RPL38: variants seen among roughly 807,000 people sequenced by gnomAD.
RPL38 encodes ribosomal protein L38.
Under a neutral mutation model 12.8 loss-of-function variants are expected in RPL38, and 2 were observed. The observed-to-expected ratio is 0.16, with a 90% CI of 0.06 to 0.49. RPL38 has a LOEUF of 0.49. Among genes scored for constraint, RPL38 ranks in the 20% least tolerant of loss-of-function variants. The pLI, the probability that RPL38 is intolerant of heterozygous loss-of-function variation, is 0.96. For synonymous variants in RPL38, 42 were observed against 30.1 expected, an observed-to-expected ratio of 1.39 and a Z score of -1.29; for missense variants, 52 against 79.8, an observed-to-expected ratio of 0.65 and a Z score of 1.33.
rs1442554172 is a variant in RPL38, at chr17:74,209,382, T to G, written c.187+73T>G. On this transcript the variant is annotated intron_variant, in intron 4 of 4. Coordinates refer to ENST00000311111, the MANE Select transcript of RPL38 (RefSeq NM_000999.4). ...TGCTGTGTGTGGCCATGTTGTATCT[T>G]GTTTTGAATCCCTCTCAGATTTCAG... The G allele has an allele frequency of 9.0e-6, 14 of 1,548,384 alleles. 1 individual carries two copies. Among genetic ancestry groups the G allele is most frequent in the Non-Finnish European group, 9.7e-6 (11 of 1,139,560 alleles).
intron 3 of RPL38, 59 bp from the exon 4 acceptor site, chr17:74,209,128 G>A (rs542467480): frequency 1.6e-4 from 247 of 1,591,220 alleles, no homozygotes; most frequent in Middle Eastern, 1.1e-3. Context: ...TTTGCACATG[G>A]ACTGTGTCAC....
intron 3 of RPL38, chr17:74,205,595 G>C (rs1443263653): frequency 6.6e-6 from 1 of 152,224 alleles, no homozygotes; most frequent in Non-Finnish European, 1.5e-5. Context: ...TTTGTGTAAA[G>C]AGATGAGGTT....
intron 3 of RPL38, 39 bp downstream of exon 3, chr17:74,204,229 T>C: frequency 6.4e-7 from 1 of 1,572,998 alleles, no homozygotes; most frequent in Non-Finnish European, 8.8e-7. Flanking sequence ...GAGCGGTGCC[T>C]AGCCTGGCAC....
intron 3 of RPL38, among the ~76,000 whole-genome samples, chr17:74,206,719 T>A (rs1327161231): frequency 1.4e-5 from 2 of 142,430 alleles, no homozygotes; most frequent in South Asian, 4.6e-4. Context: ...TTTTTTTTTT[T>A]TTTTTTTTTT....
intron 3 of RPL38, among the ~76,000 whole-genome samples, chr17:74,207,935 C>G (rs538025209): frequency 1.3e-3 from 197 of 152,344 alleles, no homozygotes; most frequent in African/African-American, 4.5e-3. Flanking sequence ...GTATTAAGAA[C>G]GAGAGTCCAG....
rs1057050453 is a variant in RPL38 at position 74,206,894 on chromosome 17, T to C, written c.65-2293T>C. On this transcript the variant is annotated intron_variant, in intron 3 of 4. Transcript: ENST00000311111. ...TGCCGGGCTAATTTTTTTTTTTTTT[T>C]TAAAGTAGAGACGGGGTTTCACCGA... Among the ~76,000 whole-genome samples the C allele has an allele frequency of 6.6e-5, 10 of 151,546 alleles. No homozygotes were observed. In the South Asian group the frequency reaches 2.1e-3, roughly 32 times the overall value.
rs767027323 is a variant in RPL38, at chr17:74,209,170, A to T, written c.65-17A>T. 2.5e-6 allele frequency: 4 copies of T among 1,612,470 alleles called. No homozygotes were observed. Among genetic ancestry groups the T allele is most frequent in the Non-Finnish European group, 3.4e-6 (4 of 1,179,702 alleles). ...TTTCTGTGATACAATTTAATTCCTG[A>T]TTCTGGTCTCCGGTAGCTGTCAAGA... On this transcript the variant is annotated splice_polypyrimidine_tract_variant and intron_variant, in intron 3 of 4. Transcript: ENST00000311111.
chr17:74,207,532 TA>T (rs199563689), intron 3 of RPL38, among the ~76,000 whole-genome samples: 16 of 151,680 alleles, frequency 1.1e-4, no homozygotes, highest in Admixed American at 9.8e-4. Flanking sequence ...TTTTTTTATT[TA>T]TTTTTTTTTT....
Position 74,209,895 on chromosome 17 carries a change from T to G in RPL38, c.*66T>G. 2 of 1,420,930 alleles carry G rather than the reference T, an allele frequency of 1.4e-6. No homozygotes were observed. Among genetic ancestry groups the G allele is most frequent in the Admixed American group, 3.4e-5 (2 of 59,396 alleles). 88.0% of individuals were successfully genotyped at this position (1,420,930 alleles called of 1,614,324 possible). ...AAAAATCCTAAGTGTCTTTCGTCTT[T>G]GCGGATGGGAAAGGGAAAAATGCTA... On this transcript the variant is annotated 3_prime_UTR_variant, in exon 5 of 5. Coordinates refer to ENST00000311111, the MANE Select transcript of RPL38 (RefSeq NM_000999.4).
intron 3 of RPL38, chr17:74,205,681 C>T (rs1388167018): frequency 6.6e-6 from 1 of 152,154 alleles, no homozygotes; most frequent in Non-Finnish European, 1.5e-5. Flanking sequence ...AGGTAACTTA[C>T]CCTTCTCAGC....
Position 74,203,725 on chromosome 17 carries a change from G to A in RPL38, c.-59G>A, listed in dbSNP as rs1001956542. ...TGCTGCTTGCTGTGAGTGTCTCTAG[G>A]GTGATACGTGGGTGAGAAAGGTAAT... On this transcript the variant is annotated 5_prime_UTR_variant, in exon 1 of 5. Coordinates refer to ENST00000311111, the MANE Select transcript of RPL38 (RefSeq NM_000999.4). 10 of 600,070 alleles carry A rather than the reference G, an allele frequency of 1.7e-5. No homozygotes were observed. Among genetic ancestry groups the A allele is most frequent in the South Asian group, 6.2e-5 (3 of 48,470 alleles). 37.2% of individuals were successfully genotyped at this position (600,070 alleles called of 1,614,324 possible).
At chr17:74,208,317 A>G (rs2050133638) in intron 3 of RPL38, among the ~76,000 whole-genome samples, 1 of 152,230 alleles carries the variant, frequency 6.6e-6, no homozygotes, top group African/African-American at 2.4e-5. Flanking sequence ...TGATACTGCT[A>G]GTACATAACC....
intron 3 of RPL38, chr17:74,206,294 A>T (rs1287639021): frequency 6.6e-6 from 1 of 152,002 alleles, no homozygotes; most frequent in Non-Finnish European, 1.5e-5. Flanking sequence ...AAAAGAAAAA[A>T]GTTAGCCGGG....
chr17:74,207,786 G>A (rs2050128823), intron 3 of RPL38, among the ~76,000 whole-genome samples: 1 of 152,140 alleles, frequency 6.6e-6, no homozygotes, highest in Non-Finnish European at 1.5e-5. Flanking sequence ...GATTACAGGC[G>A]TGAACCACCG....
rs935249232 is a variant in RPL38 at position 74,210,098 on chromosome 17, C to T, written c.*269C>T. 7.1e-5 allele frequency: 26 copies of T among 364,692 alleles called. No individual in the cohort carries two copies. Among genetic ancestry groups the T allele is most frequent in the South Asian group, 4.5e-4 (11 of 24,616 alleles). 22.6% of individuals were successfully genotyped at this position (364,692 alleles called of 1,614,324 possible). ...CGCCTCCTGGGTTCAAGCGACTGTC[C>T]TGCCTCAGCCTCCCGAGTGGCTGGG... On this transcript the variant is annotated 3_prime_UTR_variant, in exon 5 of 5. Coordinates refer to ENST00000311111, the MANE Select transcript of RPL38 (RefSeq NM_000999.4).
In RPL38 at chr17:74,209,887, T is replaced by A. The variant is rs2050149689; in HGVS notation, c.*58T>A. ...AAAATACTAAAAATCCTAAGTGTCTTTCGTCTTTGCGGATGGGAAAGGGAA... is the reference window on the plus strand; with the variant it reads ...AAAATACTAAAAATCCTAAGTGTCTATCGTCTTTGCGGATGGGAAAGGGAA... On this transcript the variant is annotated 3_prime_UTR_variant, in exon 5 of 5. Transcript: ENST00000311111. The A allele has an allele frequency of 6.8e-7, 1 of 1,477,076 alleles. No homozygotes were observed. The highest frequency in any genetic ancestry group is 9.5e-7 in the Non-Finnish European group (1 of 1,056,106). The allele number at this position is 1,477,076 out of a possible 1,614,324, so 91.5% of individuals were successfully genotyped here.
In RPL38 at chr17:74,209,230, T is replaced by A. The variant is rs1417922333; in HGVS notation, c.108T>A (p.Val36=). The A allele has an allele frequency of 6.2e-7, 1 of 1,614,038 alleles. No homozygotes were observed. Among genetic ancestry groups the A allele is most frequent in the Non-Finnish European group, 8.5e-7 (1 of 1,179,950 alleles). Residue 36 remains valine, a synonymous_variant, in exon 4 of 5, where the codon GTT becomes GTA. Coordinates refer to ENST00000311111, the MANE Select transcript of RPL38 (RefSeq NM_000999.4). The part of the protein sequence containing the change: ...KKNKDNVKFK[V]RCSRYLYTLV... ...ATAAGGACAACGTGAAGTTTAAAGT[T>A]CGATGCAGCAGATACCTTTACACCC...
chr17:74,207,955 G>T (rs779431266), intron 3 of RPL38, among the ~76,000 whole-genome samples: 1 of 152,238 alleles, frequency 6.6e-6, no homozygotes, highest in Non-Finnish European at 1.5e-5. Flanking sequence ...GGCAGCCCGT[G>T]CCTTGGGCAG....
In RPL38 at chr17:74,203,723, A is replaced by G. The variant is rs1598203802; in HGVS notation, c.-61A>G. 3.3e-6 allele frequency: 2 copies of G among 597,834 alleles called. No individual in the cohort carries two copies. Among genetic ancestry groups the G allele is most frequent in the South Asian group, 4.2e-5 (2 of 48,112 alleles). The allele number at this position is 597,834 out of a possible 1,614,324, so 37.0% of individuals were successfully genotyped here. A position where few individuals can be genotyped will look rare whatever the true frequency, so the allele number is the denominator to read the frequency against. ...GTTGCTGCTTGCTGTGAGTGTCTCTAGGGTGATACGTGGGTGAGAAAGGTA... is the reference window on the plus strand; with the variant it reads ...GTTGCTGCTTGCTGTGAGTGTCTCTGGGGTGATACGTGGGTGAGAAAGGTA... On this transcript the variant is annotated 5_prime_UTR_variant, in exon 1 of 5. Transcript: ENST00000311111.
Sources: allele counts gnomAD v4.1 joint callset (sites outside exome capture counted in the v4.1 genomes callset), GRCh38; gene constraint gnomAD v4.1.1; transcripts MANE v1.5; gene names NCBI Gene and HGNC (gene_info 2026-07-23, HGNC 2026-07-21).